LRP2: variants seen among roughly 807,000 people sequenced by gnomAD.
LRP2 encodes low-density lipoprotein receptor-related protein 2.
Under a neutral mutation model 531.0 loss-of-function variants are expected in LRP2, and 172 were observed. That is an observed-to-expected ratio of 0.32 (90% CI 0.29 to 0.37). The LOEUF (loss-of-function observed/expected upper bound fraction) is 0.37. Among genes scored for constraint, LRP2 ranks in the 10% least tolerant of loss-of-function variants. The probability of loss-of-function intolerance (pLI) is 1.00; values close to 1 mark genes in which losing one functional copy is unlikely to be tolerated. For synonymous variants in LRP2, 1,992 were observed against 2,027.6 expected, an observed-to-expected ratio of 0.98 and a Z score of 0.47; for missense variants, 5,167 against 5,868.3, an observed-to-expected ratio of 0.88 and a Z score of 3.90.
At chr2:169,170,073 G>A (rs939228042) in intron 59 of LRP2, among the ~76,000 whole-genome samples, 3 of 152,178 alleles carry the variant, frequency 2.0e-5, no homozygotes, top group Non-Finnish European at 2.9e-5. Context: ...CTCAGAAATC[G>A]GAATTCCCCA....
At chr2:169,168,160 G>T (rs541285834) in intron 61 of LRP2, among the ~76,000 whole-genome samples, 2 of 150,868 alleles carry the variant, frequency 1.3e-5, no homozygotes, top group Admixed American at 1.3e-4. Flanking sequence ...GAAGCTCTAG[G>T]GGTTTGGAGA....
At chr2:169,167,685 T>C (rs1216986755) in intron 61 of LRP2, among the ~76,000 whole-genome samples, 1 of 152,062 alleles carries the variant, frequency 6.6e-6, no homozygotes, top group Non-Finnish European at 1.5e-5. Flanking sequence ...TTCTAACATA[T>C]TCCCAAGTGG....
chr2:169,309,831 T>C (rs976785273), intron 3 of LRP2, among the ~76,000 whole-genome samples: 1 of 152,186 alleles, frequency 6.6e-6, no homozygotes, highest in African/African-American at 2.4e-5. Flanking sequence ...GCCATTTCCA[T>C]GATATTGATT....
intron 38 of LRP2, among the ~76,000 whole-genome samples, chr2:169,209,149 G>A (rs906583927): frequency 2.6e-5 from 4 of 151,878 alleles, no homozygotes; most frequent in African/African-American, 9.7e-5. Flanking sequence ...CAGAAATCAG[G>A]TGCAAATCTA....
At chr2:169,348,584 T>C (rs1362288474) in intron 1 of LRP2, among the ~76,000 whole-genome samples, 1 of 152,186 alleles carries the variant, frequency 6.6e-6, no homozygotes, top group South Asian at 2.1e-4. Flanking sequence ...TTGTGTTCTG[T>C]TTAAATACAG....
rs1156626694 is a variant in LRP2 at position 169,362,438 on chromosome 2, GAGGT to G, written c.-43_-40del. The stretch of plus-strand genomic sequence containing the variant: ...CCCGGCCTCGCCGTTCCTTCCCCGG[GAGGT>G]GGGCGCGCGTAGCACACCGCACCGG... On this transcript the variant is annotated 5_prime_UTR_variant, in exon 1 of 79. Transcript: ENST00000649046. 6.6e-7 allele frequency: 1 copy of G among 1,524,012 alleles called. No individual in the cohort carries two copies. The highest frequency in any genetic ancestry group is 8.8e-7 in the Non-Finnish European group (1 of 1,130,046). 94.4% of individuals were successfully genotyped at this position (1,524,012 alleles called of 1,614,324 possible).
rs866175152 is a variant in LRP2 at position 169,327,922 on chromosome 2, A to G, written c.80-7038T>C. 3.1e-3 allele frequency among the ~76,000 whole-genome samples: 139 copies of G among 44,728 alleles called. 1 individual carries two copies. The highest frequency in any genetic ancestry group is 6.5e-3 in the Admixed American group (32 of 4,904). The allele number at this position is 44,728 out of a possible 152,430, so 29.3% of individuals were successfully genotyped here. A position where few individuals can be genotyped will look rare whatever the true frequency, so the allele number is the denominator to read the frequency against. On this transcript the variant is annotated intron_variant, in intron 1 of 78. Coordinates refer to ENST00000649046, the MANE Select transcript of LRP2 (RefSeq NM_004525.3). ...CCCCGCCCGGCCAGCCGCCCCGTCC[A>G]GGAGGGAGGTGGGGGCGTCAGCCCC...
At position 169,140,473 on chromosome 2, in the gene LRP2, G is replaced by A. The variant is rs1482750340; in HGVS notation, c.13181C>T (p.Thr4394Ile). The A allele has an allele frequency of 3.7e-6, 6 of 1,614,090 alleles. No individual in the cohort carries two copies. The Admixed American group carries it at 6.7e-5, about 18-fold the overall frequency. The change falls in exon 72 of 79, where the codon ACT becomes ATT. Residue 4394 changes from threonine (T) to isoleucine (I), a missense_variant. By Grantham distance (89) the Thr-to-Ile change is moderately conservative. Around this residue, in one of 6 missense-constraint regions of LRP2, gnomAD observed 348 missense variants for 369.3 expected, o/e 0.94. Transcript: ENST00000649046. ...GACTTACTTGCATTTGGGGAGGTCA[G>A]TCTCATCAAAATAGCAATTTCCTCC... ...MHGGNCYFDE[T>I]DLPKCKCPSG...
chr2:169,302,297 T>C (rs971795287), intron 4 of LRP2, among the ~76,000 whole-genome samples: 2 of 152,274 alleles, frequency 1.3e-5, no homozygotes, highest in South Asian at 2.1e-4. Context: ...TGATCATCAA[T>C]GGCTACTCAC....
At chr2:169,145,073 G>C (rs1228988768) in intron 70 of LRP2, among the ~76,000 whole-genome samples, 1 of 152,214 alleles carries the variant, frequency 6.6e-6, no homozygotes, top group Admixed American at 6.5e-5. Flanking sequence ...GTCTTTATAA[G>C]GTTTGGGAGG....
chr2:169,361,383 T>C (rs1339993600), intron 1 of LRP2, among the ~76,000 whole-genome samples: 20 of 147,980 alleles, frequency 1.4e-4, no homozygotes, highest in African/African-American at 5.1e-4. Flanking sequence ...TCTCCCTCTC[T>C]CTCTCTCTCT....
rs1363397602 is a variant in LRP2, at chr2:169,157,501, A to T, written c.11889T>A (p.Asn3963Lys). 1 of 1,612,532 alleles carries T rather than the reference A, an allele frequency of 6.2e-7. No individual in the cohort carries two copies. The highest frequency in any genetic ancestry group is 1.7e-5 in the Admixed American group (1 of 59,870). The change falls in exon 64 of 79, where the codon AAT (asparagine) becomes AAA (lysine). Residue 3963 changes from asparagine to lysine, a missense_variant and splice_region_variant. By Grantham distance (94) the Asn-to-Lys change is moderately conservative. Coordinates refer to ENST00000649046, the MANE Select transcript of LRP2 (RefSeq NM_004525.3). ...CAGCACATGTTCTTTCTTTTCCTTT[A>T]TCTGAAAAACAAAATCCCAGCATTA... ...CGDWSDELGC[N>K]KGKERTCAEN...
intron 61 of LRP2, 51 bp from the exon 62 acceptor site, chr2:169,166,105 G>A (rs370452682): frequency 2.0e-5 from 32 of 1,596,370 alleles, no homozygotes; most frequent in Non-Finnish European, 2.4e-5. Flanking sequence ...TAGAATCTAA[G>A]TGTCAATATC....
Position 169,331,374 on chromosome 2 carries a change from C to T in LRP2, c.80-10490G>A, listed in dbSNP as rs112651698. Reference sequence around the variant, plus strand: ...AGAATGTCCAAGTTTTTACCAAGAACGCTGAGCAATGAAAACTTCCTGTTA... The same window carrying T: ...AGAATGTCCAAGTTTTTACCAAGAATGCTGAGCAATGAAAACTTCCTGTTA... On this transcript the variant is annotated intron_variant, in intron 1 of 78. Coordinates refer to ENST00000649046, the MANE Select transcript of LRP2 (RefSeq NM_004525.3). Among the ~76,000 whole-genome samples the T allele has an allele frequency of 3.0e-3, 464 of 152,314 alleles. 1 individual carries two copies. The highest frequency in any genetic ancestry group is 0.01 in the African/African-American group (433 of 41,562).
intron 1 of LRP2, among the ~76,000 whole-genome samples, chr2:169,354,792 C>T (rs1447770442): frequency 1.3e-5 from 2 of 152,174 alleles, no homozygotes; most frequent in African/African-American, 4.8e-5. Flanking sequence ...ACGTGTTCTA[C>T]CATTTATGAA....
chr2:169,205,496 G>A lies in LRP2; in HGVS notation c.7698C>T (p.Tyr2566=), dbSNP rs1347267423. Residue 2566 remains tyrosine, a synonymous_variant, in exon 41 of 79, where the codon TAC becomes TAT. Coordinates refer to ENST00000649046, the MANE Select transcript of LRP2 (RefSeq NM_004525.3). ...LTLDYEEDLL[Y]WVDASLQRIE... Reference sequence around the variant, plus strand: ...ACACCTACAGACTAGCATCCACCCAGTAGAGAAGGTCCTCTTCATAGTCCA... The same window carrying A: ...ACACCTACAGACTAGCATCCACCCAATAGAGAAGGTCCTCTTCATAGTCCA... The A allele has an allele frequency of 1.9e-6, 3 of 1,614,090 alleles. No homozygotes were observed. In the East Asian group the frequency reaches 6.7e-5, roughly 36 times the overall value.
chr2:169,294,406 C>G, intron 5 of LRP2, 145 bp from the exon 6 acceptor site: 2 of 761,298 alleles, frequency 2.6e-6, no homozygotes, highest in South Asian at 2.9e-5. Context: ...AACCAGTTAT[C>G]CAGGAACAAA....
chr2:169,281,893 T>C (rs1384013673), intron 10 of LRP2, among the ~76,000 whole-genome samples: 4 of 152,184 alleles, frequency 2.6e-5, no homozygotes, highest in African/African-American at 7.2e-5. Flanking sequence ...TCTATATTTG[T>C]ATGTTCTTGT....
At position 169,273,063 on chromosome 2, in the gene LRP2, G is replaced by T. The variant is rs1241069954; in HGVS notation, c.1980C>A (p.Thr660=). The change falls in exon 15 of 79, where the codon ACC becomes ACA. Residue 660 remains threonine (T), a synonymous_variant. Coordinates refer to ENST00000649046, the MANE Select transcript of LRP2 (RefSeq NM_004525.3). ...CCCCATTGTTATCTTTACACGGATT[G>T]GTAGCTGGAAGGAAAAATGCACAGG... is the stretch of plus-strand genomic sequence containing the variant. ...VYHSLRQPYA[T]NPCKDNNGGC... The T allele has an allele frequency of 6.2e-7, 1 of 1,613,492 alleles. No homozygotes were observed. Among genetic ancestry groups the T allele is most frequent in the South Asian group, 1.1e-5 (1 of 91,070 alleles).
Sources: gnomAD v4.1 joint callset for allele counts (sites outside exome capture counted in the v4.1 genomes callset) on GRCh38, gnomAD v4.1.1 for gene constraint, gnomAD v4.1.1 regional missense constraint, MANE v1.5 for transcripts, NCBI Gene and HGNC (gene_info 2026-07-23, HGNC 2026-07-21) for gene names.